TCF4: variants seen among roughly 807,000 people sequenced by gnomAD.
TCF4 encodes the protein SL3-3 enhancer factor 2.
Under a neutral mutation model 82.1 loss-of-function variants are expected in TCF4, and 3 were observed. The ratio of observed to expected loss-of-function variants is 0.04; its 90% confidence interval spans 0.02 to 0.09. The LOEUF is 0.09. Among genes scored for constraint, TCF4 ranks in the 10% least tolerant of loss-of-function variants. The probability of loss-of-function intolerance (pLI) is 1.00; values close to 1 mark genes in which losing one functional copy is unlikely to be tolerated. For synonymous variants in TCF4, 276 were observed against 309.6 expected (o/e 0.89, Z 1.14); for missense variants, 518 against 852.7 (o/e 0.61, Z 4.89).
At chr18:55,442,677 T>A (rs2095459389) in intron 5 of TCF4, among the ~76,000 whole-genome samples, 1 of 152,168 alleles carries the variant, frequency 6.6e-6, no homozygotes, top group South Asian at 2.1e-4. Flanking sequence ...TCTCAGGTCT[T>A]ATAAATAATT....
intron 3 of TCF4, among the ~76,000 whole-genome samples, chr18:55,506,528 TAC>T (rs1180725188): frequency 6.6e-6 from 1 of 152,038 alleles, no homozygotes; most frequent in Non-Finnish European, 1.5e-5. Flanking sequence ...GCTAGGATAA[TAC>T]ACACACATTA....
intron 8 of TCF4, among the ~76,000 whole-genome samples, chr18:55,293,175 A>C (rs778932646): frequency 2.0e-5 from 3 of 152,236 alleles, no homozygotes; most frequent in Admixed American, 6.5e-5. Flanking sequence ...GTGGGCCCTT[A>C]AGTTACATGT....
chr18:55,367,055 A>G (rs1265652890), intron 6 of TCF4, among the ~76,000 whole-genome samples: 1 of 152,192 alleles, frequency 6.6e-6, no homozygotes, highest in Admixed American at 6.5e-5. Flanking sequence ...TTTTACTCAC[A>G]TGGTAGAGAT....
chr18:55,338,177 C>T (rs1251036547), intron 8 of TCF4, among the ~76,000 whole-genome samples: 7 of 152,136 alleles, frequency 4.6e-5, no homozygotes, highest in East Asian at 1.9e-4. Flanking sequence ...ATTTCGACCA[C>T]GGCAGCCAAA....
chr18:55,408,659 G>C (rs2094206756), intron 5 of TCF4, among the ~76,000 whole-genome samples: 1 of 152,084 alleles, frequency 6.6e-6, no homozygotes, highest in Non-Finnish European at 1.5e-5. Flanking sequence ...CCATAAGGCA[G>C]GTAATAGAAA....
chr18:55,313,754 T>A (rs1014218364), intron 8 of TCF4, among the ~76,000 whole-genome samples: 48 of 152,124 alleles, frequency 3.2e-4, no homozygotes, highest in African/African-American at 1.1e-3. Context: ...GCATGATTAA[T>A]ACAAGGAAGA....
rs748464132 is a variant in TCF4 at position 55,559,150 on chromosome 18, CAAAAA to C, written c.145+26125_145+26129del. On this transcript the variant is annotated intron_variant, in intron 3 of 19. Coordinates refer to ENST00000354452, the MANE Select transcript of TCF4 (RefSeq NM_001083962.2). The stretch of plus-strand genomic sequence containing the variant: ...GCCAACTAGAACACGTTCCCCAAAG[CAAAAA>C]AAAAAAAAAAAAAGTAATTGTAAGT... 1.1e-4 allele frequency among the ~76,000 whole-genome samples: 6 copies of C among 56,184 alleles called. No homozygotes were observed. The East Asian group carries it at 1.4e-3, about 14-fold the overall frequency. The allele number at this position is 56,184 out of a possible 152,430, so 36.9% of individuals were successfully genotyped here. A position where few individuals can be genotyped will look rare whatever the true frequency, so the allele number is the denominator to read the frequency against.
intron 3 of TCF4, among the ~76,000 whole-genome samples, chr18:55,577,177 T>A: frequency 7.7e-6 from 1 of 129,388 alleles, no homozygotes; most frequent in East Asian, 2.1e-4. Flanking sequence ...CATTTATATA[T>A]TTATAAATGT....
chr18:55,399,034 G>A (rs529352622), intron 6 of TCF4, among the ~76,000 whole-genome samples: 10 of 152,280 alleles, frequency 6.6e-5, no homozygotes, highest in South Asian at 6.2e-4. Context: ...TTCTGCTTGC[G>A]CAAGGCCTAA....
At chr18:55,233,355 A>C (rs944077376) in intron 16 of TCF4, among the ~76,000 whole-genome samples, 2 of 152,196 alleles carry the variant, frequency 1.3e-5, no homozygotes, top group African/African-American at 4.8e-5. Context: ...CTTGCCACTC[A>C]AACTTTGGTC....
chr18:55,464,937 G>A (rs1434270971), intron 3 of TCF4, among the ~76,000 whole-genome samples: 2 of 152,230 alleles, frequency 1.3e-5, no homozygotes, highest in African/African-American at 2.4e-5. Context: ...TTCCATCCAC[G>A]CTCCAAATGG....
intron 3 of TCF4, among the ~76,000 whole-genome samples, chr18:55,568,519 A>G (rs2097430196): frequency 6.6e-6 from 1 of 151,886 alleles, no homozygotes; most frequent in African/African-American, 2.4e-5. Flanking sequence ...ATCTATACAC[A>G]CACACATCCA....
At chr18:55,518,423 C>T (rs993646047) in intron 3 of TCF4, among the ~76,000 whole-genome samples, 1 of 151,984 alleles carries the variant, frequency 6.6e-6, no homozygotes, top group African/African-American at 2.4e-5. Flanking sequence ...TAACCAAAAT[C>T]ACCAAATATG....
intron 7 of TCF4, 143 bp downstream of exon 7, chr18:55,350,731 A>C (rs1163955417): frequency 1.1e-5 from 12 of 1,083,032 alleles, no homozygotes; most frequent in East Asian, 2.5e-5. Context: ...CTAGGGGGGA[A>C]GTCTCCAGGC....
At position 55,548,865 on chromosome 18, in the gene TCF4, G is replaced by T. The variant is rs1360784873; in HGVS notation, c.145+36415C>A. On this transcript the variant is annotated intron_variant, in intron 3 of 19. Coordinates refer to ENST00000354452, the MANE Select transcript of TCF4 (RefSeq NM_001083962.2). ...CCTATATAGGGCACTTGCCATGAAT[G>T]GAGCTTGCAGGACAAGAAGTTGCTT... Among the ~76,000 whole-genome samples the T allele has an allele frequency of 2.0e-5, 3 of 152,344 alleles. No homozygotes were observed. In the East Asian group the frequency reaches 5.8e-4, roughly 29 times the overall value.
intron 8 of TCF4, among the ~76,000 whole-genome samples, chr18:55,345,751 T>G (rs776244148): frequency 1.1e-4 from 16 of 152,300 alleles, no homozygotes; most frequent in Non-Finnish European, 1.0e-4. Context: ...AGAGCCCAGA[T>G]GGCTGATATT....
intron 4 of TCF4, 110 bp from the exon 5 acceptor site, chr18:55,461,225 T>C (rs2095862843): frequency 9.4e-6 from 8 of 849,990 alleles, no homozygotes; most frequent in Non-Finnish European, 1.5e-5. Flanking sequence ...TGGAGTCCAC[T>C]ATTCCCTCCC....
At chr18:55,544,704 T>C (rs1399922878) in intron 3 of TCF4, among the ~76,000 whole-genome samples, 1 of 152,164 alleles carries the variant, frequency 6.6e-6, no homozygotes, top group Non-Finnish European at 1.5e-5. Flanking sequence ...AGCAAATTCC[T>C]AAAAACAGTA....
intron 8 of TCF4, among the ~76,000 whole-genome samples, chr18:55,293,510 C>T (rs2065619925): frequency 6.6e-6 from 1 of 152,000 alleles, no homozygotes; most frequent in Non-Finnish European, 1.5e-5. Flanking sequence ...ATAATGATCC[C>T]TAATGTGCTC....
Sources: allele counts gnomAD v4.1 joint callset (sites outside exome capture counted in the v4.1 genomes callset), GRCh38; gene constraint gnomAD v4.1.1; transcripts MANE v1.5; gene names NCBI Gene and HGNC (gene_info 2026-07-23, HGNC 2026-07-21).